The following IGF2R variants were observed in gnomAD, a reference collection of about 807,000 sequenced individuals.
IGF2R encodes insulin like growth factor 2 receptor, also known as cation-independent mannose-6-phosphate receptor.
A neutral mutation model predicts 270.6 loss-of-function variants in IGF2R; 91 were observed. That is an observed-to-expected ratio of 0.34 (90% confidence interval 0.28 to 0.40). The LOEUF is 0.40. IGF2R is among the 10% of genes least tolerant of loss of function. The pLI is 1.00. For missense variants in IGF2R, 2,805 were observed against 3,188.3 expected, an observed-to-expected ratio of 0.88 and a Z score of 2.90; for synonymous variants, 1,316 against 1,258.9, an observed-to-expected ratio of 1.05 and a Z score of -0.96.
intron 1 of IGF2R, among the ~76,000 whole-genome samples, chr6:159,989,177 C>T (rs9347373): frequency 0.037 from 5,703 of 152,182 alleles, 164 homozygotes; most frequent in South Asian, 0.12. Flanking sequence ...CCTATGTGTG[C>T]GGTTTGGTTT....
rs1269716298 is a variant in IGF2R at position 160,023,655 on chromosome 6, T to C, written c.514-917T>C. ...CATTCATGGTCATGCAAAGTGTTCA[T>C]GCCAGAGGTTGAACCCCAAGTGTTC... On this transcript the variant is annotated intron_variant, in intron 4 of 47. Transcript: ENST00000356956. Among the ~76,000 whole-genome samples the C allele has an allele frequency of 2.0e-5, 3 of 152,314 alleles. No individual in the cohort carries two copies. In the East Asian group the frequency reaches 5.8e-4, roughly 29 times the overall value.
In IGF2R at chr6:160,109,280, C is replaced by G. The variant is rs1779692580; in HGVS notation, c.*4196C>G. On this transcript the variant is annotated 3_prime_UTR_variant, in exon 48 of 48. Coordinates refer to ENST00000356956, the MANE Select transcript of IGF2R (RefSeq NM_000876.4). The stretch of plus-strand genomic sequence containing the variant: ...AGCCTTGGGATGCTGGCCTCGGTGA[C>G]AACCAAGAAGTGATGGTGGGTTGCT... 1 of 152,138 alleles carries G rather than the reference C, an allele frequency of 6.6e-6. No homozygotes were observed. Among genetic ancestry groups the G allele is most frequent in the African/African-American group, 2.4e-5 (1 of 41,438 alleles). 9.4% of individuals were successfully genotyped at this position (152,138 alleles called of 1,614,324 possible).
intron 31 of IGF2R, 82 bp from the exon 32 acceptor site, chr6:160,071,828 A>C: frequency 6.4e-7 from 1 of 1,554,070 alleles, no homozygotes; most frequent in Admixed American, 1.7e-5. Flanking sequence ...TTTTCAGAGA[A>C]GCTTCCACTT....
At chr6:160,019,542 A>G (rs559493162) in intron 4 of IGF2R, among the ~76,000 whole-genome samples, 40 of 152,356 alleles carry the variant, frequency 2.6e-4, no homozygotes, top group African/African-American at 8.2e-4. Context: ...GCCAATATCT[A>G]TGATAAACAG....
rs1779518740 is a variant in IGF2R at position 160,102,828 on chromosome 6, G to A, written c.6995+157G>A. 1.3e-5 allele frequency among the ~76,000 whole-genome samples: 2 copies of A among 152,210 alleles called. No homozygotes were observed. Among genetic ancestry groups the A allele is most frequent in the South Asian group, 4.1e-4 (2 of 4,834 alleles). The stretch of plus-strand genomic sequence containing the variant: ...CAAAACTCTCTGGAAGCAGTCCCCA[G>A]CGTTGTGGTTTTTAAATGCCTGCAT... On this transcript the variant is annotated intron_variant, in intron 46 of 47. Transcript: ENST00000356956. This position sits in a 1 kb window ranked among gnomAD's most constrained non-coding sequence, Gnocchi z 4.5.
chr6:160,073,134 T>C (rs530749274), intron 33 of IGF2R, 79 bp from the exon 34 acceptor site: 2 of 1,563,854 alleles, frequency 1.3e-6, no homozygotes, highest in Non-Finnish European at 1.7e-6. Flanking sequence ...TTGATGGTCC[T>C]GACTTGCGAA....
chr6:160,068,411 G>T (rs769937979), intron 30 of IGF2R, 26 bp downstream of exon 30: 9 of 1,612,276 alleles, frequency 5.6e-6, no homozygotes, highest in Non-Finnish European at 7.6e-6. Flanking sequence ...CTCGTGGGGT[G>T]GTGTTTGCAG....
rs139703298 is a variant in IGF2R, at chr6:160,073,850, G to C, written c.5041G>C (p.Asp1681His). 3 of 1,613,810 alleles carry C rather than the reference G, an allele frequency of 1.9e-6. No individual in the cohort carries two copies. In the East Asian group the frequency reaches 6.7e-5, roughly 36 times the overall value. The change falls in exon 35 of 48, where the codon GAT becomes CAT. Residue 1681 changes from aspartate to histidine, a missense_variant. Physicochemically the swap from Asp to His is moderately conservative, Grantham distance 81. Around this residue, in one of 2 missense-constraint regions of IGF2R, gnomAD observed 1,851 missense variants for 2,207.2 expected, o/e 0.84. Transcript: ENST00000356956. Reference protein sequence around the residue: ...GGYEAYDESEDDASDTNPDFY... With the variant: ...GGYEAYDESEHDASDTNPDFY... Reference sequence around the variant, plus strand: ...TTATGAGGCTTATGATGAGAGTGAGGATGATGCCTCCGATACCAACCCTGA... The same window carrying C: ...TTATGAGGCTTATGATGAGAGTGAGCATGATGCCTCCGATACCAACCCTGA...
chr6:160,064,245 A>G (rs550108430), intron 27 of IGF2R, among the ~76,000 whole-genome samples, 156 bp from the exon 28 acceptor site: 2 of 152,310 alleles, frequency 1.3e-5, no homozygotes, highest in Non-Finnish European at 2.9e-5. Flanking sequence ...TTTTATTCCC[A>G]AAGTGTAATG....
At chr6:160,074,049 C>G in intron 35 of IGF2R, 74 bp downstream of exon 35, 1 of 1,070,484 alleles carries the variant, frequency 9.3e-7, no homozygotes, top group Non-Finnish European at 1.4e-6. Flanking sequence ...TTGTTTCTTG[C>G]CTTCAGTGGG....
chr6:160,097,768 G>T (rs946252509), intron 45 of IGF2R, among the ~76,000 whole-genome samples: 20 of 152,172 alleles, frequency 1.3e-4, no homozygotes, highest in Non-Finnish European at 2.5e-4. Flanking sequence ...AGTGGTGGGG[G>T]TCATGGGGGA....
At position 160,056,322 on chromosome 6, in the gene IGF2R, C is replaced by G. The variant is rs150491059; in HGVS notation, c.2695-102C>G. ...TTATTGGCTGACTCATAATAAACAT[C>G]TAGCAGATTTTGGCTATTTTTATGT... On this transcript the variant is annotated intron_variant, in intron 19 of 47. Coordinates refer to ENST00000356956, the MANE Select transcript of IGF2R (RefSeq NM_000876.4). The G allele has an allele frequency of 4.2e-4, 326 of 771,824 alleles. 4 individuals carry two copies. The East Asian group carries it at 8.1e-3, about 19-fold the overall frequency. 47.8% of individuals were successfully genotyped at this position (771,824 alleles called of 1,614,324 possible).
chr6:160,029,766 G>A (rs555841518), intron 7 of IGF2R, 111 bp downstream of exon 7: 4 of 703,924 alleles, frequency 5.7e-6, no homozygotes, highest in South Asian at 3.3e-5. Flanking sequence ...GAAGCTGGGA[G>A]CCATGACAGA....
intron 1 of IGF2R, 60 bp downstream of exon 1, chr6:159,969,455 G>T (rs935920121): frequency 4.4e-6 from 5 of 1,133,428 alleles, no homozygotes; most frequent in Non-Finnish European, 3.3e-6. Context: ...CGGCCGGCGT[G>T]GGGGGCGGGG....
At chr6:160,052,146 G>A (rs1324842619) in intron 19 of IGF2R, among the ~76,000 whole-genome samples, 1 of 152,184 alleles carries the variant, frequency 6.6e-6, no homozygotes, top group African/African-American at 2.4e-5. Flanking sequence ...AGATTGCAGT[G>A]AGCTGAGGAT....
At chr6:160,080,019 C>A in intron 38 of IGF2R, 110 bp from the exon 39 acceptor site, 1 of 1,326,040 alleles carries the variant, frequency 7.5e-7, no homozygotes, top group Non-Finnish European at 1.0e-6. Flanking sequence ...CCGGTTGTCA[C>A]GTAGGTGCTT....
rs1778352657 is a variant in IGF2R, at chr6:160,058,127, A to G, written c.2898+3A>G. 1.9e-6 allele frequency: 3 copies of G among 1,581,384 alleles called. No individual in the cohort carries two copies. The highest frequency in any genetic ancestry group is 2.2e-5 in the East Asian group (1 of 44,712). On this transcript the variant is annotated splice_donor_region_variant and intron_variant, in intron 21 of 47. Transcript: ENST00000356956. Reference sequence around the variant, plus strand: ...CTGGCATTGGGAAGATTTTTATGGTAAGAGCGATATGATGCATTTCCAGTT... The same window carrying G: ...CTGGCATTGGGAAGATTTTTATGGTGAGAGCGATATGATGCATTTCCAGTT...
chr6:159,983,972 G>A (rs527378979), intron 1 of IGF2R, among the ~76,000 whole-genome samples: 1 of 152,346 alleles, frequency 6.6e-6, no homozygotes, highest in African/African-American at 2.4e-5. Flanking sequence ...AGAGAAAGCA[G>A]AACTGGACTG....
In IGF2R at chr6:160,068,145, A is replaced by G; in HGVS notation, c.4116-104A>G. The G allele has an allele frequency of 4.6e-6, 6 of 1,303,074 alleles. No homozygotes were observed. In the Admixed American group the frequency reaches 1.2e-4, roughly 26 times the overall value. 80.7% of individuals were successfully genotyped at this position (1,303,074 alleles called of 1,614,324 possible). On this transcript the variant is annotated intron_variant, in intron 29 of 47. Transcript: ENST00000356956. ...GAGAAGTCGAGTCTAAAGTTCTGTCAGGCTTAGACTATGCCTGAATACTTG... is the reference window on the plus strand; with the variant it reads ...GAGAAGTCGAGTCTAAAGTTCTGTCGGGCTTAGACTATGCCTGAATACTTG...
Sources: gnomAD v4.1 joint callset for allele counts (sites outside exome capture counted in the v4.1 genomes callset) on GRCh38, gnomAD v4.1.1 for gene constraint, gnomAD v4.1.1 regional missense constraint, Gnocchi (gnomAD v3.1) non-coding constraint, MANE v1.5 for transcripts, NCBI Gene and HGNC (gene_info 2026-07-23, HGNC 2026-07-21) for gene names.